DNAJC25: variants seen among roughly 807,000 people sequenced by gnomAD.
DNAJC25 encodes the protein DnaJ heat shock protein family (Hsp40) member C25.
In DNAJC25, 26 loss-of-function variants were observed where a neutral mutation model predicts 42.1. The observed-to-expected ratio is 0.62, with a 90% CI of 0.45 to 0.86. DNAJC25 has a LOEUF of 0.86. DNAJC25 is among the 40% of genes least tolerant of loss of function. The pLI, the probability that DNAJC25 is intolerant of heterozygous loss-of-function variation, is 0.00. For synonymous variants in DNAJC25, 189 were observed against 179.9 expected (o/e 1.05, Z -0.40); for missense variants, 404 against 459.4 (o/e 0.88, Z 1.10).
At chr9:111,648,099 T>C (rs971857869) in intron 2 of DNAJC25, among the ~76,000 whole-genome samples, 101 of 152,190 alleles carry the variant, frequency 6.6e-4, no homozygotes, top group African/African-American at 2.4e-3. Flanking sequence ...TGTTGTAAAG[T>C]ATCACAAAAA....
At position 111,640,968 on chromosome 9, in the gene DNAJC25, G is replaced by A. The variant is rs866827510; in HGVS notation, c.337-6139G>A. ...AGGGAGGTGGGGGGGTCAGCCCCCC[G>A]CCTGGCCAGCCGTGCCGTCCGGGAG... is the stretch of plus-strand genomic sequence containing the variant. On this transcript the variant is annotated intron_variant, in intron 1 of 3. Coordinates refer to ENST00000313525, the MANE Select transcript of DNAJC25 (RefSeq NM_001015882.3). Among the ~76,000 whole-genome samples the A allele has an allele frequency of 1.7e-4, 17 of 99,356 alleles. 1 individual carries two copies. Among genetic ancestry groups the A allele is most frequent in the African/African-American group, 3.9e-4 (7 of 17,866 alleles). 65.2% of individuals were successfully genotyped at this position (99,356 alleles called of 152,430 possible).
rs1830426463 is a variant in DNAJC25, at chr9:111,640,031, TCCCTGCCTGATTC to T, written c.337-7075_337-7063del. Among the ~76,000 whole-genome samples, 6 of 151,430 alleles carry T rather than the reference TCCCTGCCTGATTC, an allele frequency of 4.0e-5. No homozygotes were observed. In the South Asian group the frequency reaches 1.3e-3, roughly 32 times the overall value. ...GCTGCCATCTCGGCTCACTGCAACCTCCCTGCCTGATTCTCCTGCCTCAGTCTGCCGAATGCCT... is the reference window on the plus strand; with the variant it reads ...GCTGCCATCTCGGCTCACTGCAACCTTCCTGCCTCAGTCTGCCGAATGCCT... On this transcript the variant is annotated intron_variant, in intron 1 of 3. Transcript: ENST00000313525.
chr9:111,639,535 A>G (rs1341825618), intron 1 of DNAJC25, among the ~76,000 whole-genome samples: 1 of 152,132 alleles, frequency 6.6e-6, no homozygotes, highest in Non-Finnish European at 1.5e-5. Context: ...AGAGAAGAAG[A>G]TAAGTTGCAC....
Position 111,639,897 on chromosome 9 carries a change from GCTCTCCCTCTCCCTCTCC to G in DNAJC25, c.337-7191_337-7174del, listed in dbSNP as rs796321552. On this transcript the variant is annotated intron_variant, in intron 1 of 3. Coordinates refer to ENST00000313525, the MANE Select transcript of DNAJC25 (RefSeq NM_001015882.3). ...GGAGTCACTTTAAAGGCAAGGAGGA[GCTCTCCCTCTCCCTCTCC>G]CTCTCCCTCTCCCTCTCCGTCTCCG... is the stretch of plus-strand genomic sequence containing the variant. 3.2e-3 allele frequency among the ~76,000 whole-genome samples: 424 copies of G among 131,748 alleles called. 8 individuals are homozygous for G. Among genetic ancestry groups the G allele is most frequent in the African/African-American group, 0.012 (388 of 33,404 alleles). 86.4% of individuals were successfully genotyped at this position (131,748 alleles called of 152,430 possible).
chr9:111,633,327 G>A (rs533496612), intron 1 of DNAJC25, among the ~76,000 whole-genome samples: 2 of 152,280 alleles, frequency 1.3e-5, no homozygotes, highest in South Asian at 2.1e-4. Flanking sequence ...CTTGAATTTA[G>A]GTTGAGTGTC....
intron 1 of DNAJC25, among the ~76,000 whole-genome samples, chr9:111,645,577 G>A (rs771715946): frequency 2.6e-5 from 4 of 152,054 alleles, no homozygotes; most frequent in East Asian, 3.9e-4. Flanking sequence ...TAGAAAATAC[G>A]TAATGATTTT....
Position 111,653,665 on chromosome 9 carries a change from T to G in DNAJC25, c.*443T>G, listed in dbSNP as rs1233707878. The G allele has an allele frequency of 1.3e-5, 2 of 152,388 alleles. No homozygotes were observed. Among genetic ancestry groups the G allele is most frequent in the African/African-American group, 4.8e-5 (2 of 41,460 alleles). 9.4% of individuals were successfully genotyped at this position (152,388 alleles called of 1,614,324 possible). On this transcript the variant is annotated 3_prime_UTR_variant, in exon 4 of 4. Transcript: ENST00000313525. ...CCAAAAACAGCATTTAATTATATTA[T>G]CATGAGTGTGTTTCTGGACACAAAC...
chr9:111,632,969 A>C (rs1830309321), intron 1 of DNAJC25, among the ~76,000 whole-genome samples: 2 of 152,166 alleles, frequency 1.3e-5, no homozygotes, highest in South Asian at 4.1e-4. Context: ...TTAAATTCTC[A>C]CTAGCGTTAG....
chr9:111,646,114 A>G (rs1277155422), intron 1 of DNAJC25, among the ~76,000 whole-genome samples: 2 of 152,336 alleles, frequency 1.3e-5, no homozygotes, highest in East Asian at 3.9e-4. Context: ...TTATACTCAT[A>G]TATAGAGATT....
At chr9:111,636,697 A>G (rs1830367048) in intron 1 of DNAJC25, among the ~76,000 whole-genome samples, 2 of 152,342 alleles carry the variant, frequency 1.3e-5, no homozygotes, top group South Asian at 2.1e-4. Flanking sequence ...GATGGCATAT[A>G]GTTTCCATTT....
intron 1 of DNAJC25, among the ~76,000 whole-genome samples, chr9:111,641,024 C>A (rs1830450114): frequency 9.5e-6 from 1 of 105,072 alleles, no homozygotes; most frequent in African/African-American, 4.6e-5. Context: ...CGCGCCCGGC[C>A]AGCCGCCCCG....
chr9:111,639,993 G>A (rs1385452268), intron 1 of DNAJC25, among the ~76,000 whole-genome samples: 1 of 148,544 alleles, frequency 6.7e-6, no homozygotes, highest in Non-Finnish European at 1.5e-5. Context: ...CGGAGCCGAA[G>A]CTGGACTGTA....
intron 1 of DNAJC25, among the ~76,000 whole-genome samples, chr9:111,632,501 C>T (rs981373647): frequency 6.6e-6 from 1 of 152,108 alleles, no homozygotes; most frequent in Admixed American, 6.5e-5. Flanking sequence ...TTTCATTTGA[C>T]AGGTTTTATT....
In DNAJC25 at chr9:111,651,298, A is replaced by G. The variant is rs115976640; in HGVS notation, c.960+1375A>G. Among the ~76,000 whole-genome samples, 597 of 151,596 alleles carry G rather than the reference A, an allele frequency of 3.9e-3. 6 individuals are homozygous for G. Among genetic ancestry groups the G allele is most frequent in the African/African-American group, 0.014 (583 of 41,366 alleles). On this transcript the variant is annotated intron_variant, in intron 3 of 3. Coordinates refer to ENST00000313525, the MANE Select transcript of DNAJC25 (RefSeq NM_001015882.3). ...AAAAAAAAAAAAATGTTATTTAGTTACAGCGTACCAGTTAGCCAGTTAGCT... is the reference window on the plus strand; with the variant it reads ...AAAAAAAAAAAAATGTTATTTAGTTGCAGCGTACCAGTTAGCCAGTTAGCT...
At chr9:111,642,998 T>A in intron 1 of DNAJC25, 1 of 460,640 alleles carries the variant, frequency 2.2e-6, no homozygotes, top group Non-Finnish European at 4.5e-6. Flanking sequence ...GAAACAAGTA[T>A]AAAGGTTTTG....
At position 111,640,922 on chromosome 9, in the gene DNAJC25, C is replaced by T. The variant is rs1312500856; in HGVS notation, c.337-6185C>T. 5.3e-5 allele frequency among the ~76,000 whole-genome samples: 5 copies of T among 94,540 alleles called. 1 individual carries two copies. Among genetic ancestry groups the T allele is most frequent in the South Asian group, 3.2e-4 (1 of 3,124 alleles). The allele number at this position is 94,540 out of a possible 152,430, so 62.0% of individuals were successfully genotyped here. On this transcript the variant is annotated intron_variant, in intron 1 of 3. Coordinates refer to ENST00000313525, the MANE Select transcript of DNAJC25 (RefSeq NM_001015882.3). The stretch of plus-strand genomic sequence containing the variant: ...CCCCCGCCCGGCCAGCCGTGCCGTC[C>T]GGCCAGCCGTGCCGTCCGGGAGGGA...
In DNAJC25 at chr9:111,649,606, C is replaced by G; in HGVS notation, c.643C>G (p.Arg215Gly). The stretch of plus-strand genomic sequence containing the variant: ...AAACAAAAAGTCCAAAGAAGAAATT[C>G]GTGACGAGGAGGAGAACATCATAAA... ...GKNKKSKEEI[R>G]DEEENIIKNI... Residue 215 changes from arginine to glycine, a missense_variant, in exon 3 of 4, where the codon CGT becomes GGT. By Grantham distance (125) the Arg-to-Gly change is moderately radical (BLOSUM62 -2). Coordinates refer to ENST00000313525, the MANE Select transcript of DNAJC25 (RefSeq NM_001015882.3). 6.2e-7 allele frequency: 1 copy of G among 1,613,968 alleles called. No individual in the cohort carries two copies. The highest frequency in any genetic ancestry group is 8.5e-7 in the Non-Finnish European group (1 of 1,179,976).
At chr9:111,633,662 G>A (rs1830320842) in intron 1 of DNAJC25, among the ~76,000 whole-genome samples, 1 of 152,134 alleles carries the variant, frequency 6.6e-6, no homozygotes, top group Non-Finnish European at 1.5e-5. Context: ...TGAGAATGGT[G>A]AGCATGTTGG....
rs1830271821 is a variant in DNAJC25, at chr9:111,631,422, G to T, written c.15G>T (p.Leu5=). 1.5e-6 allele frequency: 2 copies of T among 1,292,192 alleles called. No individual in the cohort carries two copies. Among genetic ancestry groups the T allele is most frequent in the Admixed American group, 4.2e-5 (1 of 23,866 alleles). The allele number at this position is 1,292,192 out of a possible 1,614,324, so 80.0% of individuals were successfully genotyped here. A position where few individuals can be genotyped will look rare whatever the true frequency, so the allele number is the denominator to read the frequency against. The change falls in exon 1 of 4, where the codon CTG becomes CTT. Residue 5 remains leucine (L), a synonymous_variant. Transcript: ENST00000313525. MGAP[L]LSPGWGAGAA... ...CGAGGCTGGGGATGGGGGCGCCGCT[G>T]CTCTCTCCCGGCTGGGGAGCCGGGG...
Sources: gnomAD v4.1 joint callset for allele counts (sites outside exome capture counted in the v4.1 genomes callset) on GRCh38, gnomAD v4.1.1 for gene constraint, MANE v1.5 for transcripts, NCBI Gene and HGNC (gene_info 2026-07-23, HGNC 2026-07-21) for gene names.